The following ASTN2 variants were observed in gnomAD, a reference collection of about 807,000 sequenced individuals.
The protein encoded by ASTN2 is astrotactin 2.
A neutral mutation model predicts 139.8 loss-of-function variants in ASTN2; 54 were observed. That is an observed-to-expected ratio of 0.39 (90% CI 0.31 to 0.48). ASTN2 has a LOEUF of 0.48. Ranked by LOEUF, ASTN2 falls within the 20% of genes least tolerant of loss-of-function variation. The pLI, the probability that ASTN2 is intolerant of heterozygous loss-of-function variation, is 0.95. For synonymous variants in ASTN2, 756 were observed against 719.5 expected (o/e 1.05, Z -0.81); for missense variants, 1,565 against 1,725.1 (o/e 0.91, Z 1.64).
chr9:116,986,969 A>C (rs1005265487), intron 7 of ASTN2, among the ~76,000 whole-genome samples: 4 of 152,340 alleles, frequency 2.6e-5, no homozygotes, highest in Admixed American at 2.0e-4. Context: ...CTTAATGTGC[A>C]CTGAGGAATC....
chr9:116,730,242 C>G (rs969594600), intron 14 of ASTN2, among the ~76,000 whole-genome samples: 6 of 152,110 alleles, frequency 3.9e-5, no homozygotes, highest in African/African-American at 1.2e-4. Context: ...TGAGTAGGCA[C>G]TTAAAGAGAT....
intron 19 of ASTN2, among the ~76,000 whole-genome samples, chr9:116,510,838 T>C (rs537994824): frequency 9.8e-5 from 15 of 152,306 alleles, no homozygotes; most frequent in African/African-American, 3.4e-4. Flanking sequence ...CTTGTGATTT[T>C]TGCACATTGA....
At chr9:116,932,199 T>G (rs535068952) in intron 10 of ASTN2, among the ~76,000 whole-genome samples, 1 of 152,142 alleles carries the variant, frequency 6.6e-6, no homozygotes, top group South Asian at 2.1e-4. Context: ...CTCTTATATG[T>G]GAAGCCCGGT....
At chr9:117,294,320 A>G (rs1834674635) in intron 1 of ASTN2, among the ~76,000 whole-genome samples, 1 of 152,268 alleles carries the variant, frequency 6.6e-6, no homozygotes, top group Non-Finnish European at 1.5e-5. Flanking sequence ...ACGTTAAATG[A>G]TAATAACAGT....
chr9:116,448,334 G>A (rs1848070355), intron 20 of ASTN2, among the ~76,000 whole-genome samples: 1 of 151,718 alleles, frequency 6.6e-6, no homozygotes, highest in Non-Finnish European at 1.5e-5. Flanking sequence ...GCAGACAGGG[G>A]CAGTAGGAAA....
chr9:116,580,546 T>C (rs1489410301), intron 19 of ASTN2, among the ~76,000 whole-genome samples: 1 of 152,218 alleles, frequency 6.6e-6, no homozygotes, highest in Non-Finnish European at 1.5e-5. Flanking sequence ...TGTGCTTTGC[T>C]GCAGGGCTGC....
intron 19 of ASTN2, among the ~76,000 whole-genome samples, chr9:116,604,872 G>C (rs1436874153): frequency 6.6e-6 from 1 of 152,066 alleles, no homozygotes; most frequent in East Asian, 1.9e-4. Flanking sequence ...ATGATAACAG[G>C]GACAGAGAAA....
At chr9:116,446,272 T>TAGAGATAGAG (rs1847990891) in intron 20 of ASTN2, among the ~76,000 whole-genome samples, 4 of 119,036 alleles carry the variant, frequency 3.4e-5, no homozygotes, top group African/African-American at 6.6e-5. Flanking sequence ...GAGAGAGAGA[T>TAGAGATAGAG]AGAGAGAGAG....
intron 19 of ASTN2, among the ~76,000 whole-genome samples, chr9:116,559,887 T>G (rs1852819088): frequency 6.6e-6 from 1 of 152,200 alleles, no homozygotes; most frequent in Non-Finnish European, 1.5e-5. Context: ...AGCATTTTCT[T>G]CTTCCTCTTT....
intron 19 of ASTN2, among the ~76,000 whole-genome samples, chr9:116,597,299 A>ATTTTTGTTTTTTTTTTTTTTTTTTTTTTT (rs1554718677): frequency 9.3e-5 from 7 of 75,534 alleles, no homozygotes; most frequent in Non-Finnish European, 9.8e-5. Context: ...CTTTTGATCT[A>ATTTTTGTTTTTTTTTTTTTTTTTTTTTTT]TTTTTTTTTT....
chr9:116,947,429 C>A (rs1331020356), intron 10 of ASTN2, among the ~76,000 whole-genome samples: 1 of 152,144 alleles, frequency 6.6e-6, no homozygotes, highest in South Asian at 2.1e-4. Context: ...TATGTGTAAA[C>A]AACTTTGATT....
chr9:116,678,191 C>T (rs1376541863), intron 16 of ASTN2, among the ~76,000 whole-genome samples: 2 of 152,164 alleles, frequency 1.3e-5, no homozygotes, highest in Non-Finnish European at 2.9e-5. Flanking sequence ...TAAGGTCCAA[C>T]TGTTTCCTTG....
Position 116,820,756 on chromosome 9 carries a change from C to A in ASTN2, c.2068G>T (p.Asp690Tyr). ...VCPEELKPMKDGSGCYDHSKG... is the reference protein window; with the variant it reads ...VCPEELKPMKYGSGCYDHSKG... ...GAGTGGTCGTAGCAGCCAGAGCCATCCTTCATGGGTTTCAGCTCCTCAGGG... is the reference window on the plus strand; with the variant it reads ...GAGTGGTCGTAGCAGCCAGAGCCATACTTCATGGGTTTCAGCTCCTCAGGG... Residue 690 changes from aspartate (D) to tyrosine (Y), a missense_variant, in exon 12 of 23, where the codon GAT becomes TAT. Physicochemically the swap from Asp to Tyr is radical, Grantham distance 160. This residue lies in a region of ASTN2 where 503 missense variants were observed against 591.7 expected (regional missense o/e 0.85). Coordinates refer to ENST00000313400, the MANE Select transcript of ASTN2 (RefSeq NM_001365068.1). 6.2e-7 allele frequency: 1 copy of A among 1,614,040 alleles called. No individual in the cohort carries two copies. Among genetic ancestry groups the A allele is most frequent in the Non-Finnish European group, 8.5e-7 (1 of 1,179,930 alleles).
Position 116,859,889 on chromosome 9 carries a change from T to G in ASTN2, c.2040+3694A>C, listed in dbSNP as rs747285159. ...TAGATCAAAAGAGCTCTAGACAGCT[T>G]TCCTCAGATCCTCCAGGTGGAACTG... On this transcript the variant is annotated intron_variant, in intron 11 of 22. Coordinates refer to ENST00000313400, the MANE Select transcript of ASTN2 (RefSeq NM_001365068.1). 2.6e-4 allele frequency among the ~76,000 whole-genome samples: 39 copies of G among 152,238 alleles called. 1 individual carries two copies. Among genetic ancestry groups the G allele is most frequent in the Non-Finnish European group, 7.3e-5 (5 of 68,038 alleles).
intron 19 of ASTN2, among the ~76,000 whole-genome samples, chr9:116,554,756 T>G (rs1020492923): frequency 6.6e-6 from 1 of 152,308 alleles, no homozygotes; most frequent in South Asian, 2.1e-4. Context: ...ATCCTGGTTT[T>G]CCATTTACCA....
intron 1 of ASTN2, among the ~76,000 whole-genome samples, chr9:117,384,034 T>C (rs1167224314): frequency 6.6e-6 from 1 of 152,208 alleles, no homozygotes; most frequent in Non-Finnish European, 1.5e-5. Context: ...AAGATCTTCA[T>C]CTCGGCTCCT....
chr9:116,601,296 T>C (rs376494836), intron 19 of ASTN2, among the ~76,000 whole-genome samples: 6 of 152,332 alleles, frequency 3.9e-5, no homozygotes, highest in African/African-American at 4.8e-5. Context: ...ATCTGGAAGT[T>C]AGAAGAGTTA....
chr9:116,586,389 C>G (rs549838373), intron 19 of ASTN2: 1 of 152,170 alleles, frequency 6.6e-6, no homozygotes, highest in Non-Finnish European at 1.5e-5. Flanking sequence ...ATGGAATCAA[C>G]CTAGGTGCCC....
intron 19 of ASTN2, among the ~76,000 whole-genome samples, chr9:116,545,390 ATTCTTT>A (rs1349138335): frequency 2.0e-5 from 3 of 152,174 alleles, no homozygotes; most frequent in Non-Finnish European, 2.9e-5. Flanking sequence ...GGAATATTCA[ATTCTTT>A]TTCATTTCCT....
Sources: gnomAD v4.1 joint callset for allele counts (sites outside exome capture counted in the v4.1 genomes callset) on GRCh38, gnomAD v4.1.1 for gene constraint, gnomAD v4.1.1 regional missense constraint, MANE v1.5 for transcripts, NCBI Gene and HGNC (gene_info 2026-07-23, HGNC 2026-07-21) for gene names.